Variants in CCT3 observed in about 807,000 individuals in gnomAD.
CCT3 encodes the protein T-complex protein 1 subunit gamma.
A neutral mutation model predicts 65.3 loss-of-function variants in CCT3; 10 were observed. The ratio of observed to expected loss-of-function variants is 0.15; its 90% CI spans 0.09 to 0.26. CCT3 has a LOEUF of 0.26. Ranked by LOEUF, CCT3 falls within the 10% of genes least tolerant of loss-of-function variation. The pLI is 1.00. For missense variants in CCT3, 626 were observed against 708.7 expected (o/e 0.88, Z 1.33); for synonymous variants, 225 against 242.3 (o/e 0.93, Z 0.66).
intron 5 of CCT3, 75 bp downstream of exon 5, chr1:156,333,472 C>T (rs1665199445): frequency 2.9e-6 from 3 of 1,038,700 alleles, no homozygotes; most frequent in Non-Finnish European, 4.5e-6. Flanking sequence ...GGATCTGTAA[C>T]AGAATTTCCT....
chr1:156,337,018 G>C, intron 1 of CCT3: 2 of 1,192,448 alleles, frequency 1.7e-6, no homozygotes, highest in South Asian at 1.3e-5. Flanking sequence ...TAAGGGAGGG[G>C]AGATGGCTAG....
intron 11 of CCT3, among the ~76,000 whole-genome samples, chr1:156,311,773 C>A (rs943735836): frequency 1.3e-5 from 2 of 152,084 alleles, no homozygotes; most frequent in African/African-American, 4.8e-5. Context: ...TGAAAAAGTT[C>A]TGAAGATCTC....
chr1:156,331,744 C>T (rs1424018082), intron 5 of CCT3, among the ~76,000 whole-genome samples: 1 of 151,696 alleles, frequency 6.6e-6, no homozygotes, highest in Non-Finnish European at 1.5e-5. Context: ...TTAAAATAGT[C>T]CCTCTCAGGC....
chr1:156,309,618 G>T (rs2101624585), intron 13 of CCT3, among the ~76,000 whole-genome samples: 1 of 151,708 alleles, frequency 6.6e-6, no homozygotes, highest in Non-Finnish European at 1.5e-5. Flanking sequence ...TAGAGATGGG[G>T]TTTCCTCATG....
In CCT3 at chr1:156,317,241, G is replaced by C. The variant is rs1664348308; in HGVS notation, c.899C>G (p.Ala300Gly). 6.2e-7 allele frequency: 1 copy of C among 1,614,090 alleles called. No individual in the cohort carries two copies. Among genetic ancestry groups the C allele is most frequent in the East Asian group, 2.2e-5 (1 of 44,882 alleles). Residue 300 changes from alanine (A) to glycine (G), a missense_variant, in exon 10 of 14, where the codon GCT (alanine) becomes GGT (glycine). Ala to Gly is a moderately conservative substitution (Grantham distance 60). Coordinates refer to ENST00000295688, the MANE Select transcript of CCT3 (RefSeq NM_005998.5). The part of the protein sequence containing the change: ...VITEKGISDL[A>G]QHYLMRANIT... ...ATTGGCCCGCATAAGGTAGTGCTGAGCTAAATCTACAAATCCAAGAGTAGA... is the reference window on the plus strand; with the variant it reads ...ATTGGCCCGCATAAGGTAGTGCTGACCTAAATCTACAAATCCAAGAGTAGA...
At chr1:156,311,478 C>G (rs1408505837) in intron 11 of CCT3, among the ~76,000 whole-genome samples, 1 of 152,158 alleles carries the variant, frequency 6.6e-6, no homozygotes, top group Non-Finnish European at 1.5e-5. Context: ...GAGCAATAAC[C>G]TATTTCATCC....
At chr1:156,316,467 T>C (rs1204046177) in intron 10 of CCT3, among the ~76,000 whole-genome samples, 1 of 152,242 alleles carries the variant, frequency 6.6e-6, no homozygotes, top group African/African-American at 2.4e-5. Flanking sequence ...ACTATGTGTA[T>C]GCATGTTAAT....
intron 5 of CCT3, among the ~76,000 whole-genome samples, chr1:156,328,352 G>T (rs1664951465): frequency 1.3e-5 from 2 of 152,156 alleles, no homozygotes; most frequent in Non-Finnish European, 2.9e-5. Flanking sequence ...CTGTCTGGGA[G>T]GTCTACCCAA....
chr1:156,318,451 T>A (rs1413178106), intron 8 of CCT3, among the ~76,000 whole-genome samples: 1 of 152,098 alleles, frequency 6.6e-6, no homozygotes, highest in Non-Finnish European at 1.5e-5. Flanking sequence ...ACTCCTGGGC[T>A]CGAGCCATCC....
At chr1:156,324,316 C>A (rs577029872) in intron 6 of CCT3, among the ~76,000 whole-genome samples, 50 of 152,016 alleles carry the variant, frequency 3.3e-4, no homozygotes, top group African/African-American at 1.2e-3. Context: ...ATCCACCCAC[C>A]TGGGCCAAAG....
chr1:156,333,387 TATAA>T (rs928868709), intron 5 of CCT3, 156 bp downstream of exon 5: 8 of 586,530 alleles, frequency 1.4e-5, no homozygotes, highest in South Asian at 8.0e-5. Flanking sequence ...ACCCTATTCA[TATAA>T]ATGTTTTATA....
At position 156,317,265 on chromosome 1, in the gene CCT3, G is replaced by C; in HGVS notation, c.893-18C>G. The C allele has an allele frequency of 6.2e-7, 1 of 1,612,392 alleles. No individual in the cohort carries two copies. The highest frequency in any genetic ancestry group is 1.3e-5 in the African/African-American group (1 of 75,020). ...AGCTAAATCTACAAATCCAAGAGTA[G>C]AGATGTCAAGCTGGGTTCTGAACTG... On this transcript the variant is annotated intron_variant, in intron 9 of 13. Transcript: ENST00000295688.
intron 5 of CCT3, among the ~76,000 whole-genome samples, chr1:156,332,488 A>G (rs1665144788): frequency 6.6e-6 from 1 of 152,142 alleles, no homozygotes; most frequent in Non-Finnish European, 1.5e-5. Context: ...TAAAGATTTC[A>G]TTTCTTATTA....
intron 13 of CCT3, among the ~76,000 whole-genome samples, chr1:156,310,025 G>A (rs369665396): frequency 1.9e-4 from 19 of 99,064 alleles, no homozygotes; most frequent in African/African-American, 4.6e-4. Flanking sequence ...GCAACGGAGC[G>A]ATAGTCTGTT....
intron 1 of CCT3, among the ~76,000 whole-genome samples, chr1:156,336,691 A>C (rs1306008217): frequency 6.6e-6 from 1 of 152,322 alleles, no homozygotes; most frequent in Non-Finnish European, 1.5e-5. Flanking sequence ...ATGTCAGTGG[A>C]GACAAGCCAG....
chr1:156,333,524 T>C (rs371421423), intron 5 of CCT3, 23 bp downstream of exon 5: 3 of 1,570,090 alleles, frequency 1.9e-6, no homozygotes, highest in African/African-American at 2.7e-5. Context: ...TTTTTCCTTA[T>C]CAACCTCTTA....
intron 10 of CCT3, among the ~76,000 whole-genome samples, chr1:156,314,591 G>C (rs1415369161): frequency 6.6e-6 from 1 of 152,156 alleles, no homozygotes. Flanking sequence ...GCTCACGCCT[G>C]TAATCCCAGC....
intron 7 of CCT3, among the ~76,000 whole-genome samples, chr1:156,320,527 C>G (rs1337757063): frequency 6.6e-6 from 1 of 152,182 alleles, no homozygotes; most frequent in East Asian, 1.9e-4. Flanking sequence ...GTGGGAAGAT[C>G]ACTTGAGGCC....
At chr1:156,328,593 C>T (rs1406385243) in intron 5 of CCT3, among the ~76,000 whole-genome samples, 3 of 151,726 alleles carry the variant, frequency 2.0e-5, no homozygotes, top group Non-Finnish European at 4.4e-5. Flanking sequence ...GTGCTGTGTC[C>T]ACTCAGGGTT....
Sources: allele counts gnomAD v4.1 joint callset (sites outside exome capture counted in the v4.1 genomes callset), GRCh38; gene constraint gnomAD v4.1.1; transcripts MANE v1.5; gene names NCBI Gene and HGNC (gene_info 2026-07-23, HGNC 2026-07-21).